Variants in ATP6V1A observed in about 807,000 individuals in gnomAD.
ATP6V1A encodes ATPase H+ transporting V1 subunit A, also known as V-type proton ATPase catalytic subunit A.
Under a neutral mutation model 70.1 loss-of-function variants are expected in ATP6V1A, and 18 were observed. The observed-to-expected ratio is 0.26, with a 90% confidence interval of 0.18 to 0.38. ATP6V1A has a LOEUF of 0.38. Among genes scored for constraint, ATP6V1A ranks in the 10% least tolerant of loss-of-function variants. The pLI is 1.00. For missense variants in ATP6V1A, 424 were observed against 772.4 expected (o/e 0.55, Z 5.35); for synonymous variants, 232 against 253.8 (o/e 0.91, Z 0.82).
At chr3:113,783,348 G>C (rs566889196) in intron 3 of ATP6V1A, among the ~76,000 whole-genome samples, 1 of 152,290 alleles carries the variant, frequency 6.6e-6, no homozygotes, top group Non-Finnish European at 1.5e-5. Flanking sequence ...CTCAGGAAAA[G>C]TTGTACTGAT....
intron 8 of ATP6V1A, among the ~76,000 whole-genome samples, chr3:113,791,694 C>T (rs968302057): frequency 6.6e-6 from 1 of 152,060 alleles, no homozygotes; most frequent in Admixed American, 6.6e-5. Context: ...GCTGTAAGAC[C>T]ATTCACAGTG....
At chr3:113,751,672 G>T (rs1708587807) in intron 1 of ATP6V1A, among the ~76,000 whole-genome samples, 1 of 150,620 alleles carries the variant, frequency 6.6e-6, no homozygotes, top group East Asian at 1.9e-4. Flanking sequence ...TTTATATTTA[G>T]TATATACATA....
intron 13 of ATP6V1A, among the ~76,000 whole-genome samples, chr3:113,804,451 T>C (rs942903008): frequency 2.6e-5 from 4 of 152,212 alleles, no homozygotes; most frequent in Non-Finnish European, 5.9e-5. Flanking sequence ...TTCATTATTA[T>C]CAATGCTACT....
At chr3:113,784,122 G>T in intron 3 of ATP6V1A, 102 bp from the exon 4 acceptor site, 1 of 1,148,612 alleles carries the variant, frequency 8.7e-7, no homozygotes. Flanking sequence ...GGGAACTTCC[G>T]TTTTCACTTC....
chr3:113,750,508 A>C (rs953018080), intron 1 of ATP6V1A, among the ~76,000 whole-genome samples: 1 of 152,122 alleles, frequency 6.6e-6, no homozygotes, highest in Non-Finnish European at 1.5e-5. Flanking sequence ...AAAACAAAAA[A>C]AACTAAGTGG....
chr3:113,787,330 A>G (rs1292066777), intron 6 of ATP6V1A, among the ~76,000 whole-genome samples: 1 of 152,348 alleles, frequency 6.6e-6, no homozygotes, highest in East Asian at 1.9e-4. Flanking sequence ...ACTGAGAAGC[A>G]AGCAACATGA....
Position 113,789,768 on chromosome 3 carries a change from A to T in ATP6V1A, c.916A>T (p.Met306Leu). The T allele has an allele frequency of 1.2e-6, 2 of 1,613,064 alleles. No individual in the cohort carries two copies. Among genetic ancestry groups the T allele is most frequent in the Non-Finnish European group, 1.7e-6 (2 of 1,179,118 alleles). The change falls in exon 8 of 15, where the codon ATG becomes TTG. Residue 306 changes from methionine to leucine, a missense_variant. Around this residue, in one of 9 missense-constraint regions of ATP6V1A, gnomAD observed 18 missense variants for 16.2 expected, o/e 1.11. Coordinates refer to ENST00000273398, the MANE Select transcript of ATP6V1A (RefSeq NM_001690.4). ...GGTTGATGGTAAGGTAGAGTCAATT[A>T]TGAAGAGGACAGCTTTGGTAGCCAA... ...MEVDGKVESI[M>L]KRTALVANTS... is the part of the protein sequence containing the mutation.
intron 3 of ATP6V1A, among the ~76,000 whole-genome samples, chr3:113,782,367 T>TCCTTG (rs1280235902): frequency 3.3e-5 from 5 of 151,826 alleles, no homozygotes; most frequent in African/African-American, 9.7e-5. Context: ...GTGACAACCC[T>TCCTTG]CCTTGCCTTT....
Position 113,786,397 on chromosome 3 carries a change from G to A in ATP6V1A, c.716+14G>A, listed in dbSNP as rs778994336. The A allele has an allele frequency of 3.7e-6, 6 of 1,612,356 alleles. No individual in the cohort carries two copies. The Admixed American group carries it at 1.0e-4, about 27-fold the overall frequency. ...TGCCCTTTTTCCGTAAGTTTGAGATGTGTCCCACGATTTTCCCTCAGAGTT... is the reference window on the plus strand; with the variant it reads ...TGCCCTTTTTCCGTAAGTTTGAGATATGTCCCACGATTTTCCCTCAGAGTT... On this transcript the variant is annotated intron_variant, in intron 6 of 14. Coordinates refer to ENST00000273398, the MANE Select transcript of ATP6V1A (RefSeq NM_001690.4).
chr3:113,756,939 T>C (rs1708652158), intron 1 of ATP6V1A, among the ~76,000 whole-genome samples: 1 of 152,210 alleles, frequency 6.6e-6, no homozygotes, highest in Admixed American at 6.5e-5. Flanking sequence ...TGAGTCCTAG[T>C]CGTAGGTAAT....
intron 1 of ATP6V1A, among the ~76,000 whole-genome samples, chr3:113,773,127 G>A (rs1577085738): frequency 6.6e-6 from 1 of 151,434 alleles, no homozygotes; most frequent in Non-Finnish European, 1.5e-5. Flanking sequence ...TTTAGTAGAG[G>A]CGGGGTTTCA....
At chr3:113,790,327 A>T (rs1469374283) in intron 8 of ATP6V1A, among the ~76,000 whole-genome samples, 2 of 150,724 alleles carry the variant, frequency 1.3e-5, no homozygotes, top group Non-Finnish European at 3.0e-5. Context: ...AAAAAAAAAA[A>T]TTTACTTACT....
intron 1 of ATP6V1A, among the ~76,000 whole-genome samples, chr3:113,768,488 G>A (rs889248426): frequency 2.0e-5 from 3 of 151,866 alleles, no homozygotes; most frequent in African/African-American, 7.3e-5. Context: ...AAGGTGGGCT[G>A]CCTGCTTAGC....
intron 1 of ATP6V1A, among the ~76,000 whole-genome samples, chr3:113,762,976 A>G (rs1708722732): frequency 2.0e-5 from 3 of 152,106 alleles, no homozygotes; most frequent in Non-Finnish European, 4.4e-5. Context: ...GCATATTACC[A>G]ATTTTTTCCC....
intron 1 of ATP6V1A, among the ~76,000 whole-genome samples, chr3:113,765,159 A>G (rs1465343121): frequency 3.3e-5 from 5 of 152,194 alleles, no homozygotes; most frequent in Admixed American, 2.0e-4. Flanking sequence ...TATTCTGATT[A>G]TCCTCAAATA....
chr3:113,803,529 CCAT>C (rs956637343), intron 12 of ATP6V1A, 51 bp from the exon 13 acceptor site: 4 of 1,296,864 alleles, frequency 3.1e-6, no homozygotes, highest in Non-Finnish European at 4.4e-6. Context: ...TTAATTGCCA[CCAT>C]CAATCTTACA....
At chr3:113,747,593 A>G (rs1024144822) in intron 1 of ATP6V1A, among the ~76,000 whole-genome samples, 1 of 152,116 alleles carries the variant, frequency 6.6e-6, no homozygotes, top group African/African-American at 2.4e-5. Context: ...CTCACTGCAG[A>G]GTCACTGTGA....
At chr3:113,758,537 A>G (rs1708669211) in intron 1 of ATP6V1A, among the ~76,000 whole-genome samples, 1 of 152,188 alleles carries the variant, frequency 6.6e-6, no homozygotes, top group South Asian at 2.1e-4. Context: ...GCTGACTATT[A>G]TTCCATTTTA....
chr3:113,766,200 G>C (rs1258886379), intron 1 of ATP6V1A, among the ~76,000 whole-genome samples: 1 of 152,080 alleles, frequency 6.6e-6, no homozygotes, highest in Non-Finnish European at 1.5e-5. Context: ...CCTGTGTCTG[G>C]TCAGGGCCTG....
Sources: gnomAD v4.1 joint callset for allele counts (sites outside exome capture counted in the v4.1 genomes callset) on GRCh38, gnomAD v4.1.1 for gene constraint, gnomAD v4.1.1 regional missense constraint, MANE v1.5 for transcripts, NCBI Gene and HGNC (gene_info 2026-07-23, HGNC 2026-07-21) for gene names.